The following TENT4B variants were observed in gnomAD, a reference collection of about 807,000 sequenced individuals.
The protein encoded by TENT4B is terminal nucleotidyltransferase 4B.
A neutral mutation model predicts 75.0 loss-of-function variants in TENT4B; 10 were observed. The observed-to-expected ratio is 0.13, with a 90% CI of 0.08 to 0.23. The LOEUF is 0.23. Ranked by LOEUF, TENT4B falls within the 10% of genes least tolerant of loss-of-function variation. The pLI, the probability that TENT4B is intolerant of heterozygous loss-of-function variation, is 1.00. For synonymous variants in TENT4B, 350 were observed against 357.7 expected (o/e 0.98, Z 0.24); for missense variants, 579 against 893.8 (o/e 0.65, Z 4.49).
chr16:50,155,415 C>G (rs2037879295), intron 1 of TENT4B, among the ~76,000 whole-genome samples: 1 of 151,766 alleles, frequency 6.6e-6, no homozygotes, highest in South Asian at 2.1e-4. Flanking sequence ...ATTAGTAATC[C>G]CATGTGAACC....
At chr16:50,193,405 T>G (rs1361801752) in intron 1 of TENT4B, among the ~76,000 whole-genome samples, 1 of 145,458 alleles carries the variant, frequency 6.9e-6, no homozygotes, top group Non-Finnish European at 1.5e-5. Flanking sequence ...TGGCACGATC[T>G]CGGCTCACTG....
chr16:50,217,870 G>A (rs1247266680), intron 5 of TENT4B, among the ~76,000 whole-genome samples: 2 of 151,232 alleles, frequency 1.3e-5, no homozygotes, highest in Non-Finnish European at 2.9e-5. Context: ...GGTTCAAGTG[G>A]TCATCTCACC....
intron 1 of TENT4B, among the ~76,000 whole-genome samples, chr16:50,178,910 G>C (rs575537702): frequency 6.6e-6 from 1 of 152,186 alleles, no homozygotes; most frequent in East Asian, 1.9e-4. Context: ...ACAACAGTGT[G>C]AATGTACTTA....
At chr16:50,163,138 T>C (rs1251615393) in intron 1 of TENT4B, among the ~76,000 whole-genome samples, 1 of 152,198 alleles carries the variant, frequency 6.6e-6, no homozygotes, top group Non-Finnish European at 1.5e-5. Flanking sequence ...AACTTAACTC[T>C]TAGCACTGTC....
At chr16:50,213,995 A>C (rs548772366) in intron 2 of TENT4B, among the ~76,000 whole-genome samples, 1 of 152,164 alleles carries the variant, frequency 6.6e-6, no homozygotes, top group African/African-American at 2.4e-5. Flanking sequence ...ATTTTGGTCT[A>C]TGTGTTTCAT....
chr16:50,153,829 G>A lies in TENT4B; in HGVS notation c.208G>A (p.Gly70Ser). 1 of 1,244,582 alleles carries A rather than the reference G, an allele frequency of 8.0e-7. No individual in the cohort carries two copies. The highest frequency in any genetic ancestry group is 1.0e-6 in the Non-Finnish European group (1 of 999,140). The allele number at this position is 1,244,582 out of a possible 1,614,324, so 77.1% of individuals were successfully genotyped here. Residue 70 changes from glycine to serine, a missense_variant, in exon 1 of 12, where the codon GGC becomes AGC. Gly to Ser is a moderately conservative substitution (Grantham distance 56, BLOSUM62 0). Coordinates refer to ENST00000561678, the MANE Select transcript of TENT4B (RefSeq NM_001365324.3). ...GGSGSSTGSP[G>S]GAASAPAPAP... ...GAGCGGCAGCAGCACCGGCAGCCCC[G>A]GCGGCGCGGCCTCGGCCCCGGCCCC...
chr16:50,229,057 T>G (rs1596761823), intron 11 of TENT4B, 95 bp from the exon 12 acceptor site: 1 of 1,546,208 alleles, frequency 6.5e-7, no homozygotes, highest in East Asian at 2.3e-5. Context: ...GCCAGCATAT[T>G]CCTAGTTTTG....
Position 50,235,246 on chromosome 16 carries a change from CA to C in TENT4B, c.*5919del, listed in dbSNP as rs1457712570. 1 of 159,414 alleles carries C rather than the reference CA, an allele frequency of 6.3e-6. No homozygotes were observed. The highest frequency in any genetic ancestry group is 1.3e-5 in the Non-Finnish European group (1 of 74,724). The allele number at this position is 159,414 out of a possible 1,614,324, so 9.9% of individuals were successfully genotyped here. The stretch of plus-strand genomic sequence containing the variant: ...ATGCACATCGGCCTCTAGTGCTTAC[CA>C]CTCGGTTTATTATTCATAATCTGCA... On this transcript the variant is annotated 3_prime_UTR_variant, in exon 12 of 12. Coordinates refer to ENST00000561678, the MANE Select transcript of TENT4B (RefSeq NM_001365324.3).
At chr16:50,187,730 G>A (rs2038559770) in intron 1 of TENT4B, among the ~76,000 whole-genome samples, 1 of 151,918 alleles carries the variant, frequency 6.6e-6, no homozygotes, top group Non-Finnish European at 1.5e-5. Context: ...ATGTTACTTA[G>A]GAATGCACAT....
rs868401953 is a variant in TENT4B at position 50,200,134 on chromosome 16, G to A, written c.639-11189G>A. ...TAATCCTAGCATAATGGGAGGCTGA[G>A]ACAGGAGGATCCCTTGAAGCCAGGA... On this transcript the variant is annotated intron_variant, in intron 1 of 11. Transcript: ENST00000561678. Among the ~76,000 whole-genome samples, 4 of 152,176 alleles carry A rather than the reference G, an allele frequency of 2.6e-5. No homozygotes were observed. The South Asian group carries it at 8.3e-4, about 32-fold the overall frequency.
intron 1 of TENT4B, among the ~76,000 whole-genome samples, chr16:50,166,224 A>G (rs2038097660): frequency 6.6e-6 from 1 of 151,930 alleles, no homozygotes; most frequent in South Asian, 2.1e-4. Context: ...AGCTGGGATT[A>G]CAGGCGCATG....
upstream of TENT4B, chr16:50,152,942 C>T: frequency 2.7e-6 from 4 of 1,501,884 alleles, no homozygotes; most frequent in Non-Finnish European, 1.8e-6. Context: ...GCGGGGCGGG[C>T]GGCAACCTCC....
rs772063338 is a variant in TENT4B, at chr16:50,233,020, C to T, written c.*3692C>T. On this transcript the variant is annotated 3_prime_UTR_variant, in exon 12 of 12. Transcript: ENST00000561678. ...ATTCTTACCCATCTATTCTTGTTCT[C>T]CTAGTTCATTAAACTTTCAGTTATT... is the stretch of plus-strand genomic sequence containing the variant. 11 of 984,524 alleles carry T rather than the reference C, an allele frequency of 1.1e-5. No homozygotes were observed. The highest frequency in any genetic ancestry group is 1.3e-5 in the Non-Finnish European group (11 of 829,254). The allele number at this position is 984,524 out of a possible 1,614,324, so 61.0% of individuals were successfully genotyped here.
At chr16:50,158,187 A>C (rs1222543428) in intron 1 of TENT4B, among the ~76,000 whole-genome samples, 1 of 152,150 alleles carries the variant, frequency 6.6e-6, no homozygotes, top group Non-Finnish European at 1.5e-5. Flanking sequence ...CCCAGGTTCG[A>C]GCAATTCTCC....
rs2031979183 is a variant in TENT4B, at chr16:50,224,874, T to C, written c.1509-17T>C. 1.2e-6 allele frequency: 2 copies of C among 1,612,426 alleles called. No individual in the cohort carries two copies. Among genetic ancestry groups the C allele is most frequent in the African/African-American group, 2.7e-5 (2 of 75,012 alleles). ...ATGTTATTCCCTCCCTCTCCCTTTC[T>C]TTTTAAACACATGCAGCATACTAGG... On this transcript the variant is annotated splice_polypyrimidine_tract_variant and intron_variant, in intron 8 of 11. Transcript: ENST00000561678.
At chr16:50,223,664 G>A (rs1211896893) in intron 7 of TENT4B, among the ~76,000 whole-genome samples, 1 of 152,138 alleles carries the variant, frequency 6.6e-6, no homozygotes, top group Admixed American at 6.5e-5. Context: ...TTCATGTTTG[G>A]TGGCTGTTTC....
At chr16:50,211,859 A>G (rs535437054) in intron 2 of TENT4B, among the ~76,000 whole-genome samples, 3 of 152,186 alleles carry the variant, frequency 2.0e-5, no homozygotes, top group Non-Finnish European at 4.4e-5. Flanking sequence ...TGAAAATGTC[A>G]AGTAAGAACT....
At chr16:50,180,257 C>T (rs2038387414) in intron 1 of TENT4B, among the ~76,000 whole-genome samples, 1 of 152,246 alleles carries the variant, frequency 6.6e-6, no homozygotes, top group South Asian at 2.1e-4. Context: ...GTGTGTGCCA[C>T]CATGCCTGGC....
intron 1 of TENT4B, among the ~76,000 whole-genome samples, chr16:50,165,451 C>T (rs2038081806): frequency 1.3e-5 from 2 of 151,334 alleles, no homozygotes; most frequent in Non-Finnish European, 2.9e-5. Context: ...ATTCACATAC[C>T]ATAAATTTAA....
Sources: gnomAD v4.1 joint callset for allele counts (sites outside exome capture counted in the v4.1 genomes callset) on GRCh38, gnomAD v4.1.1 for gene constraint, MANE v1.5 for transcripts, NCBI Gene and HGNC (gene_info 2026-07-23, HGNC 2026-07-21) for gene names.